The following SLC14A2 variants were observed in gnomAD, a reference collection of about 807,000 sequenced individuals.
SLC14A2 encodes the protein urea transporter 2.
Under a neutral mutation model 104.6 loss-of-function variants are expected in SLC14A2, and 91 were observed. The ratio of observed to expected loss-of-function variants is 0.87; its 90% confidence interval spans 0.73 to 1.04. The LOEUF is 1.04. Ranked by LOEUF, SLC14A2 falls within the 50% of genes least tolerant of loss-of-function variation. The probability of loss-of-function intolerance (pLI) is 0.00; values close to 1 mark genes in which losing one functional copy is unlikely to be tolerated. For missense variants in SLC14A2, 1,189 were observed against 1,156.0 expected, an observed-to-expected ratio of 1.03 and a Z score of -0.41; for synonymous variants, 476 against 466.4, an observed-to-expected ratio of 1.02 and a Z score of -0.27.
At chr18:45,240,234 C>T (rs1195082129) in intron 1 of SLC14A2, among the ~76,000 whole-genome samples, 1 of 150,894 alleles carries the variant, frequency 6.6e-6, no homozygotes, top group African/African-American at 2.4e-5. Flanking sequence ...GTGGCTGGGA[C>T]TACAGGCATG....
upstream of SLC14A2, among the ~76,000 whole-genome samples, chr18:45,209,275 G>A (rs1410559232): frequency 2.0e-5 from 3 of 150,106 alleles, no homozygotes; most frequent in Middle Eastern, 3.2e-3. Context: ...CCCGGGAGGC[G>A]GAGCTTGCAG....
intron 1 of SLC14A2, among the ~76,000 whole-genome samples, chr18:45,287,610 A>G (rs983476382): frequency 2.6e-5 from 4 of 152,238 alleles, no homozygotes; most frequent in African/African-American, 9.6e-5. Flanking sequence ...ATGGAAGCAG[A>G]GGCCACAGAG....
At chr18:45,352,602 C>G (rs2085514447) in intron 1 of SLC14A2, among the ~76,000 whole-genome samples, 1 of 152,054 alleles carries the variant, frequency 6.6e-6, no homozygotes, top group African/African-American at 2.4e-5. Context: ...GAGCTTACAA[C>G]CCATCGAGAG....
intron 1 of SLC14A2, among the ~76,000 whole-genome samples, chr18:45,234,291 G>A (rs1272352734): frequency 1.3e-5 from 2 of 152,126 alleles, no homozygotes; most frequent in East Asian, 1.9e-4. Context: ...TGCAAGGTAG[G>A]AACTCATTTT....
chr18:45,222,304 A>G (rs2084070523), intron 1 of SLC14A2, among the ~76,000 whole-genome samples: 1 of 152,220 alleles, frequency 6.6e-6, no homozygotes, highest in Non-Finnish European at 1.5e-5. Context: ...TATCAGCTCC[A>G]TCTGGTCTCA....
intron 2 of SLC14A2, among the ~76,000 whole-genome samples, chr18:45,546,806 T>C (rs2043977411): frequency 6.6e-6 from 1 of 152,214 alleles, no homozygotes; most frequent in Non-Finnish European, 1.5e-5. Context: ...ACATTGCACA[T>C]TGCCAGGCAA....
chr18:45,191,343 G>GCT, the SLC14A2 span, among the ~76,000 whole-genome samples: 1 of 152,170 alleles, frequency 6.6e-6, no homozygotes, highest in Non-Finnish European at 1.5e-5. Context: ...GAATTAAGGA[G>GCT]TCCCAGATAT....
intron 10 of SLC14A2, among the ~76,000 whole-genome samples, chr18:45,662,122 G>A (rs1316096644): frequency 6.6e-6 from 1 of 152,212 alleles, no homozygotes; most frequent in Non-Finnish European, 1.5e-5. Flanking sequence ...GGCCAAGATG[G>A]TGAAACCCTG....
intron 1 of SLC14A2, among the ~76,000 whole-genome samples, chr18:45,326,825 T>A (rs2085239314): frequency 6.6e-6 from 1 of 152,188 alleles, no homozygotes; most frequent in Non-Finnish European, 1.5e-5. Flanking sequence ...GAAGCCTCGT[T>A]GAAGCCTCAT....
intron 2 of SLC14A2, chr18:45,485,418 T>A (rs558227167): frequency 2.6e-5 from 4 of 152,348 alleles, no homozygotes; most frequent in Admixed American, 2.6e-4. Context: ...TCTTACTTTT[T>A]TCAAGGCTGG....
intron 1 of SLC14A2, among the ~76,000 whole-genome samples, chr18:45,359,566 T>C (rs2085590136): frequency 6.6e-6 from 1 of 151,658 alleles, no homozygotes; most frequent in Non-Finnish European, 1.5e-5. Context: ...TAAAGGGAGG[T>C]CATGAAAAAT....
intron 2 of SLC14A2, among the ~76,000 whole-genome samples, chr18:45,492,388 T>C (rs1317215624): frequency 6.6e-6 from 1 of 152,122 alleles, no homozygotes; most frequent in Non-Finnish European, 1.5e-5. Flanking sequence ...CTCAGGAAAC[T>C]TACAATCATG....
chr18:45,228,927 G>A (rs1164790015), intron 1 of SLC14A2, among the ~76,000 whole-genome samples: 1 of 152,124 alleles, frequency 6.6e-6, no homozygotes, highest in East Asian at 1.9e-4. Flanking sequence ...TCTGTCATGT[G>A]ATTAAACATT....
intron 1 of SLC14A2, among the ~76,000 whole-genome samples, chr18:45,332,847 G>T (rs1387113034): frequency 6.6e-6 from 1 of 152,130 alleles, no homozygotes; most frequent in Non-Finnish European, 1.5e-5. Context: ...CAACATAAGG[G>T]CTTGGTCCTG....
chr18:45,537,040 TCCC>T (rs1568265555), intron 2 of SLC14A2, among the ~76,000 whole-genome samples: 1 of 27,010 alleles, frequency 3.7e-5, no homozygotes, highest in Non-Finnish European at 7.8e-5. Context: ...CCTCCCTCCC[TCCC>T]TCCCTCCCTC....
the SLC14A2 span, among the ~76,000 whole-genome samples, chr18:45,183,677 TTCTTTCTC>T: frequency 4.6e-5 from 7 of 151,948 alleles, no homozygotes; most frequent in South Asian, 4.2e-4. Context: ...CTGTCTTTCT[TTCTTTCTC>T]TCTTTCTCTC....
At chr18:45,221,838 G>GC (rs1399310641) in intron 1 of SLC14A2, among the ~76,000 whole-genome samples, 1 of 152,028 alleles carries the variant, frequency 6.6e-6, no homozygotes, top group Non-Finnish European at 1.5e-5. Flanking sequence ...CTTCAACCTA[G>GC]CCCAAGGAGA....
intron 1 of SLC14A2, among the ~76,000 whole-genome samples, chr18:45,346,197 C>G (rs958201321): frequency 2.6e-5 from 4 of 152,130 alleles, no homozygotes; most frequent in African/African-American, 9.7e-5. Flanking sequence ...GCTCTGGTGC[C>G]TAGGCTGGAG....
At chr18:45,211,514 C>T (rs981582958), upstream of SLC14A2, among the ~76,000 whole-genome samples, 1 of 152,148 alleles carries the variant, frequency 6.6e-6, no homozygotes, top group African/African-American at 2.4e-5. Flanking sequence ...AATTAATTGT[C>T]ATGTTGATCT....
Sources: allele counts gnomAD v4.1 joint callset (sites outside exome capture counted in the v4.1 genomes callset), GRCh38; gene constraint gnomAD v4.1.1; transcripts MANE v1.5; gene names NCBI Gene and HGNC (gene_info 2026-07-23, HGNC 2026-07-21).